PDCD4: variants seen among roughly 807,000 people sequenced by gnomAD.
The protein encoded by PDCD4 is programmed cell death protein 4.
PDCD4 carries 56 observed loss-of-function variants against 54.0 expected under a neutral mutation model. That is an observed-to-expected ratio of 1.04 (90% confidence interval 0.84 to 1.30). The LOEUF (loss-of-function observed/expected upper bound fraction) is 1.30, where lower values mean the gene tolerates loss of function less well. Among genes scored for constraint, PDCD4 ranks in the 50% most tolerant of loss-of-function variants. The pLI is 0.00. For missense variants in PDCD4, 584 were observed against 559.8 expected (o/e 1.04, Z -0.44); for synonymous variants, 186 against 194.8 (o/e 0.95, Z 0.37).
chr10:110,897,655 A>G (rs888348380), intron 11 of PDCD4, among the ~76,000 whole-genome samples: 2 of 152,230 alleles, frequency 1.3e-5, no homozygotes, highest in African/African-American at 2.4e-5. Context: ...TCCAGTTTGC[A>G]TAATTCTGAA....
At chr10:110,879,062 C>T (rs1845550845) in intron 2 of PDCD4, among the ~76,000 whole-genome samples, 1 of 152,192 alleles carries the variant, frequency 6.6e-6, no homozygotes, top group Admixed American at 6.6e-5. Flanking sequence ...ATCCTAGATA[C>T]ATTCTGCTTA....
chr10:110,888,776 T>G (rs1300908242), intron 6 of PDCD4, among the ~76,000 whole-genome samples: 2 of 152,196 alleles, frequency 1.3e-5, no homozygotes, highest in Admixed American at 6.5e-5. Context: ...GTGTATACCA[T>G]TTAACCATAC....
At chr10:110,889,417 CT>C (rs1434211337) in intron 6 of PDCD4, 115 bp from the exon 7 acceptor site, 1 of 698,892 alleles carries the variant, frequency 1.4e-6, no homozygotes, top group Non-Finnish European at 2.5e-6. Flanking sequence ...ATTCCAGCAT[CT>C]TTTAGGTACT....
chr10:110,881,270 TGAA>T lies in PDCD4; in HGVS notation c.85_87del (p.Glu29del). The T allele has an allele frequency of 6.2e-7, 1 of 1,613,456 alleles. No homozygotes were observed. Among genetic ancestry groups the T allele is most frequent in the Non-Finnish European group, 8.5e-7 (1 of 1,179,530 alleles). The stretch of plus-strand genomic sequence containing the variant: ...TAAGTGACTCTCTCTTTTCCGGTGA[TGAA>T]GAAAATGCTGGGACTGAGGAAATAA... On this transcript the variant is annotated inframe_deletion, in exon 3 of 12. Transcript: ENST00000280154.
chr10:110,891,659 T>G (rs949470713), intron 8 of PDCD4, among the ~76,000 whole-genome samples: 12 of 151,688 alleles, frequency 7.9e-5, no homozygotes, highest in Non-Finnish European at 1.8e-4. Flanking sequence ...TTTAATGAGG[T>G]GTGTGTGTGT....
chr10:110,881,144 G>A (rs1845583608), intron 2 of PDCD4, 89 bp from the exon 3 acceptor site: 1 of 925,164 alleles, frequency 1.1e-6, no homozygotes, highest in East Asian at 2.4e-5. Context: ...AATGTCATGT[G>A]ATTCAACCTA....
chr10:110,880,081 T>A (rs994153234), intron 2 of PDCD4, among the ~76,000 whole-genome samples: 7 of 152,192 alleles, frequency 4.6e-5, no homozygotes, highest in African/African-American at 1.7e-4. Flanking sequence ...TTCAGTAGCC[T>A]TTCTGACTTA....
chr10:110,894,347 G>A (rs571778152), intron 9 of PDCD4, 65 bp from the exon 10 acceptor site: 5 of 923,170 alleles, frequency 5.4e-6, no homozygotes, highest in Non-Finnish European at 8.8e-6. Flanking sequence ...AGGCATCTAG[G>A]TGCATTTTAG....
At chr10:110,884,904 C>T (rs2135203926) in intron 4 of PDCD4, 1 of 160,552 alleles carries the variant, frequency 6.2e-6, no homozygotes, top group South Asian at 1.9e-4. Flanking sequence ...AGAGATCCTT[C>T]TGCCTCAGCT....
chr10:110,881,171 T>C (rs1203726396), intron 2 of PDCD4, 62 bp from the exon 3 acceptor site: 1 of 1,237,110 alleles, frequency 8.1e-7, no homozygotes, highest in African/African-American at 1.5e-5. Context: ...CTTACCACTA[T>C]ATCTATAAAA....
At chr10:110,897,456 C>G (rs1424090497) in intron 11 of PDCD4, among the ~76,000 whole-genome samples, 1 of 152,196 alleles carries the variant, frequency 6.6e-6, no homozygotes, top group Non-Finnish European at 1.5e-5. Context: ...GCTATTGCCA[C>G]TACATGTAGG....
intron 10 of PDCD4, 78 bp from the exon 11 acceptor site, chr10:110,895,870 T>C: frequency 9.4e-7 from 1 of 1,066,612 alleles, no homozygotes. Flanking sequence ...TACAAATTGA[T>C]GACATAGTGA....
At chr10:110,897,186 A>G (rs1020517895) in intron 11 of PDCD4, among the ~76,000 whole-genome samples, 1 of 152,198 alleles carries the variant, frequency 6.6e-6, no homozygotes, top group Admixed American at 6.5e-5. Context: ...AAAGTTTTTC[A>G]GCCTCTGTTT....
rs141471132 is a variant in PDCD4, at chr10:110,889,586, C to T, written c.831C>T (p.Thr277=). ...RAVGDGILCN[T]YIDSYKGTVD... is the part of the protein sequence containing the mutation. ...TTGGAGATGGAATTTTATGTAATACCTATATTGATAGTTACAAAGGAACTG... is the reference window on the plus strand; with the variant it reads ...TTGGAGATGGAATTTTATGTAATACTTATATTGATAGTTACAAAGGAACTG... Residue 277 remains threonine, a synonymous_variant, in exon 7 of 12, where the codon ACC becomes ACT. Coordinates refer to ENST00000280154, the MANE Select transcript of PDCD4 (RefSeq NM_014456.5). The T allele has an allele frequency of 4.6e-5, 74 of 1,606,826 alleles. No individual in the cohort carries two copies. In the African/African-American group the frequency reaches 9.7e-4, roughly 21 times the overall value.
rs921328922 is a variant in PDCD4 at position 110,871,994 on chromosome 10, G to A, written c.-87G>A. The A allele has an allele frequency of 3.3e-5, 5 of 152,904 alleles. No homozygotes were observed. The highest frequency in any genetic ancestry group is 1.2e-4 in the African/African-American group (5 of 41,472). 9.5% of individuals were successfully genotyped at this position (152,904 alleles called of 1,614,324 possible). On this transcript the variant is annotated 5_prime_UTR_variant, in exon 1 of 12. Coordinates refer to ENST00000280154, the MANE Select transcript of PDCD4 (RefSeq NM_014456.5). ...CGGGGCCGGCTGACCAGGAACCTGG[G>A]CGAGCAGCGGCGGGGGCCCGAGGGG... is the stretch of plus-strand genomic sequence containing the variant.
At chr10:110,888,265 A>G (rs1160410361) in intron 6 of PDCD4, among the ~76,000 whole-genome samples, 1 of 151,722 alleles carries the variant, frequency 6.6e-6, no homozygotes, top group Non-Finnish European at 1.5e-5. Context: ...CATAAATAAG[A>G]CTCTTCCCTT....
chr10:110,880,990 G>C (rs368184235), intron 2 of PDCD4, among the ~76,000 whole-genome samples: 1 of 152,226 alleles, frequency 6.6e-6, no homozygotes, highest in African/African-American at 2.4e-5. Flanking sequence ...TTTGTTTTTG[G>C]TAAGAAACAA....
chr10:110,876,495 T>C (rs1309170310), intron 2 of PDCD4, among the ~76,000 whole-genome samples: 1 of 152,374 alleles, frequency 6.6e-6, no homozygotes, highest in East Asian at 1.9e-4. Context: ...CCTATTTTTC[T>C]GCCTATCCTT....
intron 6 of PDCD4, among the ~76,000 whole-genome samples, chr10:110,889,059 G>A (rs528881625): frequency 3.3e-5 from 5 of 151,650 alleles, no homozygotes; most frequent in East Asian, 1.9e-4. Context: ...GTGACACCCC[G>A]TCTCTACTAG....
Sources: allele counts gnomAD v4.1 joint callset (sites outside exome capture counted in the v4.1 genomes callset), GRCh38; gene constraint gnomAD v4.1.1; transcripts MANE v1.5; gene names NCBI Gene and HGNC (gene_info 2026-07-23, HGNC 2026-07-21).